The following HMGCLL1 variants were observed in gnomAD, a reference collection of about 807,000 sequenced individuals.
The protein encoded by HMGCLL1 is 3-hydroxy-3-methylglutaryl-CoA lyase like 1, also known as 3-hydroxymethyl-3-methylglutaryl-CoA lyase, cytoplasmic.
A neutral mutation model predicts 39.1 loss-of-function variants in HMGCLL1; 36 were observed. The ratio of observed to expected loss-of-function variants is 0.92; its 90% CI spans 0.71 to 1.22. HMGCLL1 has a LOEUF of 1.22. Among genes scored for constraint, HMGCLL1 ranks in the 50% most tolerant of loss-of-function variants. The pLI is 0.00. For missense variants in HMGCLL1, 451 were observed against 416.5 expected (o/e 1.08, Z -0.72); for synonymous variants, 149 against 144.0 (o/e 1.03, Z -0.25).
chr6:55,436,163 C>A (rs901055111), intron 8 of HMGCLL1, among the ~76,000 whole-genome samples: 1 of 151,790 alleles, frequency 6.6e-6, no homozygotes, highest in Non-Finnish European at 1.5e-5. Flanking sequence ...AAAAAACTAT[C>A]CTCTTTACTA....
At chr6:55,641,909 TA>T in the HMGCLL1 span, among the ~76,000 whole-genome samples, 6 of 140,342 alleles carry the variant, frequency 4.3e-5, no homozygotes, top group Middle Eastern at 3.7e-3. Context: ...TTTATTTATT[TA>T]TTTATTTTTT....
intron 3 of HMGCLL1, among the ~76,000 whole-genome samples, chr6:55,529,179 A>C (rs922697732): frequency 3.1e-4 from 47 of 152,216 alleles, no homozygotes; most frequent in Non-Finnish European, 5.0e-4. Flanking sequence ...ATCATTCTGA[A>C]GTAGGGCAAG....
At chr6:55,553,582 G>A (rs1202879830) in intron 1 of HMGCLL1, among the ~76,000 whole-genome samples, 1 of 152,024 alleles carries the variant, frequency 6.6e-6, no homozygotes. Flanking sequence ...TTAAAAGTGG[G>A]AATAATAATA....
the HMGCLL1 span, among the ~76,000 whole-genome samples, chr6:55,675,595 TGA>T: frequency 2.0e-5 from 3 of 152,254 alleles, no homozygotes; most frequent in East Asian, 5.8e-4. Flanking sequence ...CTAAGGCATT[TGA>T]GAGACCAACA....
chr6:55,578,331 CA>C (rs1771856128), intron 1 of HMGCLL1, among the ~76,000 whole-genome samples: 1 of 152,078 alleles, frequency 6.6e-6, no homozygotes, highest in Admixed American at 6.6e-5. Flanking sequence ...TGCATTAAAT[CA>C]TAAGTATATG....
At chr6:55,471,478 T>C (rs1765043290) in intron 7 of HMGCLL1, among the ~76,000 whole-genome samples, 1 of 151,744 alleles carries the variant, frequency 6.6e-6, no homozygotes, top group Admixed American at 6.6e-5. Context: ...TCACCAATAG[T>C]ATGTGAGAGT....
At chr6:55,527,448 G>A (rs867260159) in intron 3 of HMGCLL1, among the ~76,000 whole-genome samples, 2 of 152,016 alleles carry the variant, frequency 1.3e-5, no homozygotes, top group African/African-American at 2.4e-5. Flanking sequence ...GGCCAAATTA[G>A]CACATTCTAG....
chr6:55,593,460 G>A, the HMGCLL1 span, among the ~76,000 whole-genome samples: 1 of 152,110 alleles, frequency 6.6e-6, no homozygotes, highest in Admixed American at 6.5e-5. Context: ...CTGCGTGTGG[G>A]AGAAGTGATA....
chr6:55,575,350 A>G (rs1321872501), intron 1 of HMGCLL1, among the ~76,000 whole-genome samples: 1 of 152,086 alleles, frequency 6.6e-6, no homozygotes, highest in African/African-American at 2.4e-5. Flanking sequence ...TTTATATTTG[A>G]TAGTACATTG....
the HMGCLL1 span, among the ~76,000 whole-genome samples, chr6:55,645,151 T>C: frequency 6.6e-6 from 1 of 151,990 alleles, no homozygotes; most frequent in Non-Finnish European, 1.5e-5. Flanking sequence ...TATTTAATTG[T>C]ATTTGTGACT....
In HMGCLL1 at chr6:55,499,365, TTAA is replaced by T. The variant is rs1196690418; in HGVS notation, c.543-69_543-67del. On this transcript the variant is annotated intron_variant, in intron 5 of 8. Transcript: ENST00000274901. ...ATAAGCCATTTCCATTTTATAAAAA[TTAA>T]GAATTAGCTGAAACTGCATCAAGAA... 69 of 1,248,036 alleles carry T rather than the reference TTAA, an allele frequency of 5.5e-5. No individual in the cohort carries two copies. The East Asian group carries it at 1.7e-3, about 30-fold the overall frequency. The allele number at this position is 1,248,036 out of a possible 1,614,324, so 77.3% of individuals were successfully genotyped here. A position where few individuals can be genotyped will look rare whatever the true frequency, so the allele number is the denominator to read the frequency against.
At chr6:55,463,043 T>C (rs1764647122) in intron 7 of HMGCLL1, among the ~76,000 whole-genome samples, 2 of 150,694 alleles carry the variant, frequency 1.3e-5, no homozygotes, top group South Asian at 2.1e-4. Context: ...TTTTTTTTTT[T>C]TTTCTGAGAT....
At chr6:55,541,418 G>A (rs1217331198) in intron 3 of HMGCLL1, among the ~76,000 whole-genome samples, 1 of 152,074 alleles carries the variant, frequency 6.6e-6, no homozygotes, top group African/African-American at 2.4e-5. Flanking sequence ...TGCATTTGGA[G>A]ATGTTCAGAT....
At chr6:55,563,609 ATAGTAAATGTTTCCAAGCACAC>A (rs1771070029) in intron 1 of HMGCLL1, among the ~76,000 whole-genome samples, 1 of 152,224 alleles carries the variant, frequency 6.6e-6, no homozygotes, top group Non-Finnish European at 1.5e-5. Context: ...CTGCTGATTA[ATAGTAAATGTTTCCAAGCACAC>A]TATGAATCTG....
chr6:55,631,452 CA>C, the HMGCLL1 span, among the ~76,000 whole-genome samples: 64 of 151,936 alleles, frequency 4.2e-4, no homozygotes, highest in African/African-American at 1.5e-3. Flanking sequence ...AAAATAATGC[CA>C]AAAAGACACC....
chr6:55,436,293 G>T (rs1763371042), intron 8 of HMGCLL1, among the ~76,000 whole-genome samples: 1 of 151,922 alleles, frequency 6.6e-6, no homozygotes, highest in African/African-American at 2.4e-5. Flanking sequence ...ATTGAAGGAG[G>T]TAGTTGCAAG....
intron 1 of HMGCLL1, among the ~76,000 whole-genome samples, chr6:55,556,372 A>G (rs1300621269): frequency 2.0e-5 from 3 of 152,188 alleles, no homozygotes; most frequent in Admixed American, 1.3e-4. Context: ...AAAGCTATAC[A>G]GACATCCTGA....
chr6:55,495,682 T>A, intron 6 of HMGCLL1, 75 bp from the exon 7 acceptor site: 3 of 1,077,550 alleles, frequency 2.8e-6, no homozygotes, highest in Non-Finnish European at 3.9e-6. Context: ...ACAACTAACA[T>A]CATCTAAAGG....
At chr6:55,544,818 G>T (rs1044630752) in intron 1 of HMGCLL1, among the ~76,000 whole-genome samples, 5 of 152,078 alleles carry the variant, frequency 3.3e-5, no homozygotes, top group African/African-American at 9.7e-5. Context: ...AGAAGAAAAA[G>T]AATTTTCTTT....
Sources: gnomAD v4.1 joint callset for allele counts (sites outside exome capture counted in the v4.1 genomes callset) on GRCh38, gnomAD v4.1.1 for gene constraint, MANE v1.5 for transcripts, NCBI Gene and HGNC (gene_info 2026-07-23, HGNC 2026-07-21) for gene names.